The following DST variants were observed in gnomAD, a reference collection of about 807,000 sequenced individuals.
The protein encoded by DST is bullous pemphigoid antigen.
A neutral mutation model predicts 875.2 loss-of-function variants in DST; 253 were observed. That is an observed-to-expected ratio of 0.29 (90% confidence interval 0.26 to 0.32). The LOEUF (loss-of-function observed/expected upper bound fraction) is 0.32. Among genes scored for constraint, DST ranks in the 10% least tolerant of loss-of-function variants. The pLI is 1.00. For synonymous variants in DST, 3,124 were observed against 3,197.1 expected, an observed-to-expected ratio of 0.98 and a Z score of 0.77; for missense variants, 8,287 against 9,111.6, an observed-to-expected ratio of 0.91 and a Z score of 3.68.
At chr6:56,816,932 T>C (rs974795453) in intron 4 of DST, among the ~76,000 whole-genome samples, 5 of 152,096 alleles carry the variant, frequency 3.3e-5, no homozygotes, top group Admixed American at 3.3e-4. Flanking sequence ...AAGATCTTTA[T>C]AGTCTCTGCT....
intron 61 of DST, chr6:56,541,450 A>G (rs1160282902): frequency 6.6e-6 from 1 of 152,640 alleles, no homozygotes; most frequent in Non-Finnish European, 1.5e-5. Context: ...GTCTAACAGT[A>G]TCATAGATTG....
chr6:56,501,516 T>A lies in DST; in HGVS notation c.19740+4A>T. The A allele has an allele frequency of 6.5e-7, 1 of 1,537,332 alleles. No homozygotes were observed. ...AATTTCTTAAGAAAAGTCTTGGTAT[T>A]TACCTGTCTGTTGATGATTCTCTCC... On this transcript the variant is annotated splice_donor_region_variant and intron_variant, in intron 79 of 103. Transcript: ENST00000680361.
At chr6:56,887,519 T>C (rs1031000420) in intron 3 of DST, among the ~76,000 whole-genome samples, 2 of 152,194 alleles carry the variant, frequency 1.3e-5, no homozygotes, top group Non-Finnish European at 2.9e-5. Context: ...AACTAGACCA[T>C]CTTTGAAGGG....
At position 56,608,032 on chromosome 6, in the gene DST, T is replaced by A; in HGVS notation, c.6596A>T (p.Lys2199Ile). 1 of 1,612,810 alleles carries A rather than the reference T, an allele frequency of 6.2e-7. No individual in the cohort carries two copies. Among genetic ancestry groups the A allele is most frequent in the Non-Finnish European group, 8.5e-7 (1 of 1,179,306 alleles). ...VTTQTSEETK[K>I]LFLSYLMINS... is the part of the protein sequence containing the mutation. ...TATCATTAAATAAGATAGAAATAAT[T>A]TTTTAGTTTCTTCTGAGGTCTGAGT... The change falls in exon 40 of 104, where the codon AAA (lysine) becomes ATA (isoleucine). Residue 2199 changes from lysine (K) to isoleucine (I), a missense_variant. Lys to Ile is a moderately radical substitution (Grantham distance 102). This residue lies in a region of DST where 3,138 missense variants were observed against 3,116.6 expected (regional missense o/e 1.01). Transcript: ENST00000680361.
chr6:56,490,690 A>G (rs1192227562), intron 85 of DST, among the ~76,000 whole-genome samples: 1 of 152,206 alleles, frequency 6.6e-6, no homozygotes, highest in Non-Finnish European at 1.5e-5. Context: ...AAACTGAGAT[A>G]TTAGAAGAAG....
chr6:56,583,045 G>A (rs1449916144), intron 49 of DST, among the ~76,000 whole-genome samples: 1 of 152,126 alleles, frequency 6.6e-6, no homozygotes, highest in Non-Finnish European at 1.5e-5. Flanking sequence ...GAATAGTGCT[G>A]CAATAAACAT....
At position 56,604,696 on chromosome 6, in the gene DST, T is replaced by C. The variant is rs138903884; in HGVS notation, c.9932A>G (p.Tyr3311Cys). The C allele has an allele frequency of 5.0e-6, 8 of 1,611,922 alleles. No individual in the cohort carries two copies. In the African/African-American group the frequency reaches 5.3e-5, roughly 11 times the overall value. The change falls in exon 40 of 104, where the codon TAT (tyrosine) becomes TGT (cysteine). Residue 3311 changes from tyrosine to cysteine, a missense_variant. By Grantham distance (194) the Tyr-to-Cys change is radical. Coordinates refer to ENST00000680361, the MANE Select transcript of DST (RefSeq NM_001374736.1). ...CTTATTATTAATTTCTAAGAATGAATAGTCAGTATTTAAAGTGTTACTGGA... is the reference window on the plus strand; with the variant it reads ...CTTATTATTAATTTCTAAGAATGAACAGTCAGTATTTAAAGTGTTACTGGA... Reference protein sequence around the residue: ...DNSSNTLNTDYSFLEINNKKE... With the variant: ...DNSSNTLNTDCSFLEINNKKE...
Position 56,954,521 on chromosome 6 carries a change from A to G in DST, c.67T>C (p.Leu23=), listed in dbSNP as rs763620877. The G allele has an allele frequency of 6.0e-5, 82 of 1,367,356 alleles. No homozygotes were observed. The highest frequency in any genetic ancestry group is 7.7e-5 in the Non-Finnish European group (79 of 1,021,814). 84.7% of individuals were successfully genotyped at this position (1,367,356 alleles called of 1,614,324 possible). ...YSIQCALFLL[L]LLLGTIATIV... is the part of the protein sequence containing the mutation. The stretch of plus-strand genomic sequence containing the variant: ...GTGGCGATGGTGCCCAGCAGAAGCA[A>G]CAAGAGGAAGAGGGCACATTGGATG... Residue 23 remains leucine (L), a synonymous_variant, in exon 1 of 104, where the codon TTG becomes CTG. Transcript: ENST00000680361.
chr6:56,463,810 A>G (rs753010640), intron 100 of DST, 46 bp from the exon 101 acceptor site: 7 of 1,597,378 alleles, frequency 4.4e-6, no homozygotes, highest in Non-Finnish European at 5.1e-6. Flanking sequence ...AAGACGGAAA[A>G]GAAGAGGCGC....
chr6:56,789,028 A>T (rs910757843), intron 4 of DST, among the ~76,000 whole-genome samples: 11 of 150,762 alleles, frequency 7.3e-5, no homozygotes, highest in Admixed American at 1.3e-4. Context: ...CATATGATTA[A>T]TTGTTAAATA....
intron 47 of DST, among the ~76,000 whole-genome samples, chr6:56,597,491 T>C (rs1214535569): frequency 1.3e-5 from 2 of 152,196 alleles, no homozygotes; most frequent in African/African-American, 4.8e-5. Flanking sequence ...CTATAAATGT[T>C]AACTATTATT....
At chr6:56,640,867 G>A in intron 17 of DST, among the ~76,000 whole-genome samples, 1 of 151,780 alleles carries the variant, frequency 6.6e-6, no homozygotes, top group East Asian at 1.9e-4. Flanking sequence ...AAAATGAGGA[G>A]GCAATTGAAA....
rs751970030 is a variant in DST at position 56,603,007 on chromosome 6, C to G, written c.11182G>C (p.Glu3728Gln). 5 of 1,581,150 alleles carry G rather than the reference C, an allele frequency of 3.2e-6. No homozygotes were observed. The highest frequency in any genetic ancestry group is 4.3e-6 in the Non-Finnish European group (5 of 1,170,296). Reference protein sequence around the residue: ...EMSKLAVSHEEFLHKLKSFSD... With the variant: ...EMSKLAVSHEQFLHKLKSFSD... Reference sequence around the variant, plus strand: ...AATGACTTAAGTTTATGCAGAAATTCTTCATGGGAAACTGCTAGTTTAGAC... The same window carrying G: ...AATGACTTAAGTTTATGCAGAAATTGTTCATGGGAAACTGCTAGTTTAGAC... The change falls in exon 43 of 104, where the codon GAA becomes CAA. Residue 3728 changes from glutamate to glutamine, a missense_variant. Physicochemically the swap from Glu to Gln is conservative, Grantham distance 29 (BLOSUM62 2). This residue lies in a region of DST where 3,138 missense variants were observed against 3,116.6 expected (regional missense o/e 1.01). Transcript: ENST00000680361.
chr6:56,843,308 G>C, intron 4 of DST: 1 of 1,230,880 alleles, frequency 8.1e-7, no homozygotes, highest in Non-Finnish European at 1.0e-6. Flanking sequence ...GGGGGCGCAG[G>C]GGGCTGCCGG....
At chr6:56,799,866 CACCCCACCTCGGCCTCCCAA>C (rs2099744710) in intron 4 of DST, among the ~76,000 whole-genome samples, 2 of 152,134 alleles carry the variant, frequency 1.3e-5, no homozygotes, top group East Asian at 3.9e-4. Context: ...TCAAGTGATC[CACCCCACCTCGGCCTCCCAA>C]CATGCTGGGA....
rs532648332 is a variant in DST, at chr6:56,620,361, C to T, written c.4929+4169G>A. 48 of 1,614,072 alleles carry T rather than the reference C, an allele frequency of 3.0e-5. No homozygotes were observed. Among genetic ancestry groups the T allele is most frequent in the Admixed American group, 5.0e-5 (3 of 60,008 alleles). ...TCTTCCACGGCAGCTCTTTTAGCCT[C>T]GGCCTCTATGGTGAGCTGCCTCACC... On this transcript the variant is annotated intron_variant, in intron 36 of 103. Coordinates refer to ENST00000680361, the MANE Select transcript of DST (RefSeq NM_001374736.1).
chr6:56,711,107 T>C (rs1054759404), intron 5 of DST, among the ~76,000 whole-genome samples: 2 of 152,216 alleles, frequency 1.3e-5, no homozygotes, highest in South Asian at 2.1e-4. Context: ...CTTCTCTTTT[T>C]AGCTTTTGGG....
At chr6:56,707,612 G>A (rs924571272) in intron 5 of DST, among the ~76,000 whole-genome samples, 5 of 152,108 alleles carry the variant, frequency 3.3e-5, no homozygotes, top group African/African-American at 1.2e-4. Flanking sequence ...CACCCTACCA[G>A]ACTTACATTT....
intron 2 of DST, among the ~76,000 whole-genome samples, chr6:56,902,788 A>G (rs1794735103): frequency 6.6e-6 from 1 of 152,230 alleles, no homozygotes. Flanking sequence ...ATTAAGGAGA[A>G]GAGGGAACTG....
Sources: gnomAD v4.1 joint callset for allele counts (sites outside exome capture counted in the v4.1 genomes callset) on GRCh38, gnomAD v4.1.1 for gene constraint, gnomAD v4.1.1 regional missense constraint, MANE v1.5 for transcripts, NCBI Gene and HGNC (gene_info 2026-07-23, HGNC 2026-07-21) for gene names.